Variants in ABI2 observed in about 807,000 individuals in gnomAD.
ABI2 encodes abl interactor 2, also known as abelson interactor 2.
In ABI2, 25 loss-of-function variants were observed where a neutral mutation model predicts 59.2. That is an observed-to-expected ratio of 0.42 (90% CI 0.31 to 0.59). The LOEUF (loss-of-function observed/expected upper bound fraction) is 0.59. Ranked by LOEUF, ABI2 falls within the 20% of genes least tolerant of loss-of-function variation. ABI2 has a pLI of 0.14. For missense variants in ABI2, 545 were observed against 681.8 expected (o/e 0.80, Z 2.23); for synonymous variants, 213 against 235.5 (o/e 0.90, Z 0.87).
At chr2:203,373,111 C>A (rs920426210) in intron 2 of ABI2, among the ~76,000 whole-genome samples, 3 of 152,110 alleles carry the variant, frequency 2.0e-5, no homozygotes, top group Non-Finnish European at 4.4e-5. Flanking sequence ...CCAAGGCAGG[C>A]GGCTGGGAGG....
chr2:203,409,189 T>C (rs2097557634), intron 9 of ABI2, among the ~76,000 whole-genome samples: 1 of 152,160 alleles, frequency 6.6e-6, no homozygotes, highest in African/African-American at 2.4e-5. Flanking sequence ...AACAGTATTA[T>C]GAACATATCA....
intron 2 of ABI2, among the ~76,000 whole-genome samples, chr2:203,370,461 C>CT (rs966228367): frequency 2.0e-5 from 3 of 151,930 alleles, no homozygotes; most frequent in African/African-American, 7.3e-5. Flanking sequence ...GTTTTCTTTT[C>CT]TTTTTTGTGT....
chr2:203,390,086 C>T (rs2096681996), intron 4 of ABI2, among the ~76,000 whole-genome samples: 1 of 152,210 alleles, frequency 6.6e-6, no homozygotes, highest in African/African-American at 2.4e-5. Context: ...TGGGATACCT[C>T]AGCCCTAACT....
intron 2 of ABI2, chr2:203,374,818 A>T (rs1454813591): frequency 4.4e-6 from 2 of 456,050 alleles, no homozygotes; most frequent in East Asian, 1.4e-4. Context: ...GTTTGATTGC[A>T]GATGTTTTCC....
At chr2:203,370,228 T>TCTCTCTCTC (rs2095020294) in intron 2 of ABI2, among the ~76,000 whole-genome samples, 6 of 117,460 alleles carry the variant, frequency 5.1e-5, no homozygotes, top group Admixed American at 1.7e-4. Flanking sequence ...CTCTCTCTCT[T>TCTCTCTCTC]TCTGTGTGTA....
At chr2:203,330,122 A>ATGG (rs926151007) in intron 1 of ABI2, among the ~76,000 whole-genome samples, 4 of 152,292 alleles carry the variant, frequency 2.6e-5, no homozygotes, top group African/African-American at 9.6e-5. Context: ...AAATTTTGTA[A>ATGG]TGGCCACATT....
intron 4 of ABI2, among the ~76,000 whole-genome samples, chr2:203,385,139 C>CCTTTTTTTTTTTTTTTTTTTTT (rs2096427631): frequency 1.4e-5 from 1 of 69,938 alleles, no homozygotes; most frequent in African/African-American, 4.8e-5. Flanking sequence ...GGCTCAGATT[C>CCTTTTTTTTTTTTTTTTTTTTT]TTTTTTTTTT....
At chr2:203,425,628 A>G (rs1243334453) in intron 11 of ABI2, among the ~76,000 whole-genome samples, 1 of 152,182 alleles carries the variant, frequency 6.6e-6, no homozygotes, top group Non-Finnish European at 1.5e-5. Flanking sequence ...ATTTTCTTAT[A>G]TTTAAACTTG....
chr2:203,341,095 T>C (rs1461992639), intron 1 of ABI2, among the ~76,000 whole-genome samples: 2 of 152,214 alleles, frequency 1.3e-5, no homozygotes, highest in African/African-American at 2.4e-5. Context: ...AAGCTTTTGC[T>C]GATACATCAC....
intron 1 of ABI2, among the ~76,000 whole-genome samples, chr2:203,354,969 ATCC>A (rs1428512321): frequency 6.6e-6 from 1 of 152,182 alleles, no homozygotes; most frequent in Non-Finnish European, 1.5e-5. Context: ...AGTTTCATCC[ATCC>A]TCCCCACAAG....
intron 1 of ABI2, among the ~76,000 whole-genome samples, chr2:203,358,069 G>GT (rs1213178648): frequency 1.0e-4 from 13 of 127,160 alleles, no homozygotes; most frequent in Admixed American, 9.7e-4. Flanking sequence ...TGCCTGGCCT[G>GT]TTTGTGTGTG....
intron 1 of ABI2, among the ~76,000 whole-genome samples, chr2:203,359,226 G>GT (rs1303004384): frequency 5.9e-5 from 9 of 152,090 alleles, no homozygotes; most frequent in East Asian, 1.9e-4. Flanking sequence ...ACAGATTAAG[G>GT]TTTTTTTAAA....
chr2:203,400,839 C>T (rs2153437622), intron 8 of ABI2, among the ~76,000 whole-genome samples: 1 of 152,076 alleles, frequency 6.6e-6, no homozygotes, highest in East Asian at 1.9e-4. Flanking sequence ...TTAAAATTAC[C>T]AAGAAGATAG....
chr2:203,388,554 G>A lies in ABI2; in HGVS notation c.481-2492G>A, dbSNP rs181503960. On this transcript the variant is annotated intron_variant, in intron 4 of 11. Coordinates refer to ENST00000261018, the MANE Select transcript of ABI2 (RefSeq NM_001375670.1). ...AAAAAGTAGCTGGGCGTGGTGGTGC[G>A]CCTGTAATCCCAGCTACTCGGGAGG... 3.9e-3 allele frequency among the ~76,000 whole-genome samples: 590 copies of A among 152,042 alleles called. 1 individual carries two copies. Among genetic ancestry groups the A allele is most frequent in the Non-Finnish European group, 6.3e-3 (425 of 67,956 alleles).
intron 1 of ABI2, among the ~76,000 whole-genome samples, chr2:203,345,334 C>G (rs2082669417): frequency 6.6e-6 from 1 of 152,136 alleles, no homozygotes; most frequent in Non-Finnish European, 1.5e-5. Flanking sequence ...GAAGAAACTC[C>G]GGACAGATCT....
chr2:203,340,093 A>G (rs563778630), intron 1 of ABI2, among the ~76,000 whole-genome samples: 3 of 152,378 alleles, frequency 2.0e-5, no homozygotes, highest in South Asian at 4.1e-4. Context: ...AACCTGGAGA[A>G]CATTAGGTAA....
At chr2:203,370,847 T>C (rs751143730) in intron 2 of ABI2, among the ~76,000 whole-genome samples, 3 of 152,192 alleles carry the variant, frequency 2.0e-5, no homozygotes, top group African/African-American at 4.8e-5. Context: ...TAGAGTTGTT[T>C]AGGACTAGTA....
chr2:203,393,280 C>T (rs1233015011), intron 5 of ABI2, among the ~76,000 whole-genome samples: 1 of 152,228 alleles, frequency 6.6e-6, no homozygotes, highest in Non-Finnish European at 1.5e-5. Context: ...GTCTCAAACT[C>T]CTGAGCTCAA....
At chr2:203,344,340 CA>C (rs1473869267) in intron 1 of ABI2, among the ~76,000 whole-genome samples, 2 of 151,912 alleles carry the variant, frequency 1.3e-5, no homozygotes, top group African/African-American at 2.4e-5. Flanking sequence ...ATGAAAAAAT[CA>C]AGAACAATAT....
Sources: gnomAD v4.1 joint callset for allele counts (sites outside exome capture counted in the v4.1 genomes callset) on GRCh38, gnomAD v4.1.1 for gene constraint, MANE v1.5 for transcripts, NCBI Gene and HGNC (gene_info 2026-07-23, HGNC 2026-07-21) for gene names.